C12orf54: variants seen among roughly 807,000 people sequenced by gnomAD.
C12orf54 encodes chromosome 12 open reading frame 54.
C12orf54 carries 24 observed loss-of-function variants against 26.4 expected under a neutral mutation model. The ratio of observed to expected loss-of-function variants is 0.91; its 90% CI spans 0.66 to 1.28. C12orf54 has a LOEUF of 1.28. Among genes scored for constraint, C12orf54 ranks in the 50% most tolerant of loss-of-function variants. The pLI is 0.00. For missense variants in C12orf54, 154 were observed against 150.9 expected, an observed-to-expected ratio of 1.02 and a Z score of -0.11; for synonymous variants, 54 against 47.0, an observed-to-expected ratio of 1.15 and a Z score of -0.61.
At chr12:48,451,263 G>T in the C12orf54 span, among the ~76,000 whole-genome samples, 1 of 151,642 alleles carries the variant, frequency 6.6e-6, no homozygotes, top group Non-Finnish European at 1.5e-5. Context: ...CCATAAAAAG[G>T]CTTTGATAAA....
chr12:48,474,620 C>T, the C12orf54 span, among the ~76,000 whole-genome samples: 20 of 152,232 alleles, frequency 1.3e-4, no homozygotes, highest in Non-Finnish European at 1.8e-4. Flanking sequence ...GAGGGTCCTA[C>T]GCCCACAGAG....
At chr12:48,488,863 C>A (rs2137091569) in intron 4 of C12orf54, 61 bp from the exon 5 acceptor site, 2 of 1,388,372 alleles carry the variant, frequency 1.4e-6, no homozygotes, top group East Asian at 2.3e-5. Flanking sequence ...TATGTGAAAT[C>A]CCTCTGTAAT....
chr12:48,413,555 T>C, the C12orf54 span, among the ~76,000 whole-genome samples: 1 of 152,210 alleles, frequency 6.6e-6, no homozygotes, highest in Non-Finnish European at 1.5e-5. Flanking sequence ...TGAAGCATGC[T>C]GCGCTCCCGT....
At chr12:48,437,744 G>A in the C12orf54 span, among the ~76,000 whole-genome samples, 11 of 152,236 alleles carry the variant, frequency 7.2e-5, no homozygotes, top group East Asian at 1.9e-3. Flanking sequence ...GTATTGATGG[G>A]ACGTATCTCA....
At chr12:48,456,169 A>G in the C12orf54 span, among the ~76,000 whole-genome samples, 3 of 152,340 alleles carry the variant, frequency 2.0e-5, no homozygotes, top group East Asian at 5.8e-4. Context: ...TCAGCCAACA[A>G]CAATTGTTTT....
At chr12:48,478,620 C>A (rs994612319), upstream of C12orf54, among the ~76,000 whole-genome samples, 2 of 151,936 alleles carry the variant, frequency 1.3e-5, no homozygotes, top group Non-Finnish European at 1.5e-5. Flanking sequence ...AAACAGAGAG[C>A]CAAATCATGA....
chr12:48,447,929 A>G, the C12orf54 span, among the ~76,000 whole-genome samples: 1 of 152,204 alleles, frequency 6.6e-6, no homozygotes, highest in Non-Finnish European at 1.5e-5. Flanking sequence ...GAAGTGACCT[A>G]TTGTTTGTTG....
At chr12:48,421,183 T>C in the C12orf54 span, among the ~76,000 whole-genome samples, 1 of 152,222 alleles carries the variant, frequency 6.6e-6, no homozygotes, top group Non-Finnish European at 1.5e-5. Context: ...TGGCTCACAG[T>C]TCTGCAGGGT....
At chr12:48,447,479 ATTCTGC>A in the C12orf54 span, among the ~76,000 whole-genome samples, 1 of 152,300 alleles carries the variant, frequency 6.6e-6, no homozygotes, top group Non-Finnish European at 1.5e-5. Context: ...TAGATAGATT[ATTCTGC>A]TTCCTCAGAA....
the C12orf54 span, among the ~76,000 whole-genome samples, chr12:48,425,932 C>CTTTTT: frequency 1.5e-5 from 2 of 134,764 alleles, no homozygotes; most frequent in East Asian, 2.1e-4. Flanking sequence ...GGTTGTTTGG[C>CTTTTT]TTTTTTTTTT....
rs11168599 is a variant in C12orf54 at position 48,486,168 on chromosome 12, T to G, written c.66-10T>G. On this transcript the variant is annotated splice_polypyrimidine_tract_variant and intron_variant, in intron 2 of 8. Coordinates refer to ENST00000548364, the MANE Select transcript of C12orf54 (RefSeq NM_152319.4). ...CTCCTCATCAGGTTTATATCATTCTTTCTTTGCAGCACATCCATAGAAGAG... is the reference window on the plus strand; with the variant it reads ...CTCCTCATCAGGTTTATATCATTCTGTCTTTGCAGCACATCCATAGAAGAG... 678,395 of 1,601,944 alleles carry G rather than the reference T, an allele frequency of 0.42. 151,836 individuals are homozygous for G. Among genetic ancestry groups the G allele is most frequent in the Middle Eastern group, 0.48 (2,886 of 5,994 alleles).
the C12orf54 span, among the ~76,000 whole-genome samples, chr12:48,468,820 C>T: frequency 6.6e-6 from 1 of 152,000 alleles, no homozygotes; most frequent in Admixed American, 6.6e-5. Flanking sequence ...TTTTTATTTT[C>T]CCTAAGTGTC....
the C12orf54 span, among the ~76,000 whole-genome samples, chr12:48,413,722 A>G: frequency 6.6e-6 from 1 of 152,232 alleles, no homozygotes; most frequent in Non-Finnish European, 1.5e-5. Flanking sequence ...TGACAAGAAT[A>G]TGAATGGGGA....
At chr12:48,456,656 T>G in the C12orf54 span, among the ~76,000 whole-genome samples, 1 of 152,158 alleles carries the variant, frequency 6.6e-6, no homozygotes, top group Non-Finnish European at 1.5e-5. Context: ...CCATGTTAGG[T>G]TGGTTGTGAG....
At chr12:48,486,140 G>A in intron 2 of C12orf54, 38 bp from the exon 3 acceptor site, 1 of 1,578,622 alleles carries the variant, frequency 6.3e-7, no homozygotes, top group Non-Finnish European at 8.7e-7. Flanking sequence ...CCCACATTCT[G>A]TGCTCCTCAT....
At chr12:48,488,248 G>A in intron 4 of C12orf54, 1 of 641,114 alleles carries the variant, frequency 1.6e-6, no homozygotes, top group South Asian at 1.6e-5. Flanking sequence ...CCAGAGACTG[G>A]CAGGCCTCGG....
the C12orf54 span, among the ~76,000 whole-genome samples, chr12:48,435,183 A>C: frequency 1.3e-5 from 2 of 152,354 alleles, no homozygotes; most frequent in African/African-American, 4.8e-5. Flanking sequence ...GAAATGAATG[A>C]AATGAAGTGT....
the C12orf54 span, among the ~76,000 whole-genome samples, chr12:48,467,598 T>C: frequency 6.6e-6 from 1 of 152,006 alleles, no homozygotes; most frequent in South Asian, 2.1e-4. Flanking sequence ...ATTCTATTAA[T>C]AGAATAAGGG....
the C12orf54 span, among the ~76,000 whole-genome samples, chr12:48,450,125 A>G: frequency 6.6e-6 from 1 of 152,180 alleles, no homozygotes; most frequent in African/African-American, 2.4e-5. Context: ...AATACATTGC[A>G]TTAATGCTGT....
Sources: gnomAD v4.1 joint callset for allele counts (sites outside exome capture counted in the v4.1 genomes callset) on GRCh38, gnomAD v4.1.1 for gene constraint, MANE v1.5 for transcripts, NCBI Gene and HGNC (gene_info 2026-07-23, HGNC 2026-07-21) for gene names.